Variants in NAV3 observed in about 807,000 individuals in gnomAD.
NAV3 encodes pore membrane and/or filament interacting like protein 1.
Under a neutral mutation model 244.7 loss-of-function variants are expected in NAV3, and 87 were observed. That is an observed-to-expected ratio of 0.36 (90% confidence interval 0.30 to 0.42). The LOEUF (loss-of-function observed/expected upper bound fraction) is 0.42. NAV3 is among the 20% of genes least tolerant of loss of function. The probability of loss-of-function intolerance (pLI) is 1.00; values close to 1 mark genes in which losing one functional copy is unlikely to be tolerated. For synonymous variants in NAV3, 1,126 were observed against 1,042.2 expected, an observed-to-expected ratio of 1.08 and a Z score of -1.55; for missense variants, 2,663 against 2,893.3, an observed-to-expected ratio of 0.92 and a Z score of 1.83.
intron 2 of NAV3, among the ~76,000 whole-genome samples, chr12:77,818,125 A>G (rs1872590562): frequency 6.6e-6 from 1 of 152,166 alleles, no homozygotes; most frequent in African/African-American, 2.4e-5. Flanking sequence ...ATGAATATAA[A>G]CAAAAACAAT....
At chr12:77,730,228 T>G (rs1441244391) in intron 2 of NAV3, among the ~76,000 whole-genome samples, 1 of 151,596 alleles carries the variant, frequency 6.6e-6, no homozygotes, top group African/African-American at 2.4e-5. Flanking sequence ...CAGAAGAAAT[T>G]GAAACATTCA....
intron 2 of NAV3, among the ~76,000 whole-genome samples, chr12:77,674,690 ATAC>A (rs1874131954): frequency 2.6e-5 from 4 of 152,318 alleles, no homozygotes; most frequent in Admixed American, 2.6e-4. Context: ...TGCCCAGTCT[ATAC>A]TCCAATTTTA....
intron 3 of NAV3, among the ~76,000 whole-genome samples, chr12:77,958,689 AT>A (rs1891595678): frequency 6.6e-6 from 1 of 152,164 alleles, no homozygotes; most frequent in Non-Finnish European, 1.5e-5. Context: ...GAAACTTTTC[AT>A]TTTATTTTCA....
chr12:77,762,363 C>G (rs372120814), intron 2 of NAV3, among the ~76,000 whole-genome samples: 7 of 152,066 alleles, frequency 4.6e-5, no homozygotes, highest in African/African-American at 1.7e-4. Flanking sequence ...ACAATTATGA[C>G]ACTTGTCTAC....
At chr12:77,821,020 T>C (rs1434568648) in intron 2 of NAV3, among the ~76,000 whole-genome samples, 1 of 151,810 alleles carries the variant, frequency 6.6e-6, no homozygotes, top group Non-Finnish European at 1.5e-5. Flanking sequence ...CTCTCAATAT[T>C]CCTCTCTCTC....
intron 2 of NAV3, among the ~76,000 whole-genome samples, chr12:77,688,713 G>A (rs972323608): frequency 1.3e-4 from 20 of 152,016 alleles, no homozygotes; most frequent in Admixed American, 1.1e-3. Context: ...TAATAGAATA[G>A]TGTAAATGAG....
chr12:77,617,454 T>A (rs1429106189), intron 2 of NAV3, among the ~76,000 whole-genome samples: 1 of 152,210 alleles, frequency 6.6e-6, no homozygotes, highest in African/African-American at 2.4e-5. Flanking sequence ...ATGAGGTGAC[T>A]TAAACAGCAC....
At chr12:78,092,699 A>G (rs750864744) in intron 12 of NAV3, among the ~76,000 whole-genome samples, 4 of 151,660 alleles carry the variant, frequency 2.6e-5, no homozygotes, top group Non-Finnish European at 4.4e-5. Flanking sequence ...CTGGGGTTTC[A>G]CTGTGTTAGC....
At chr12:78,070,212 T>C (rs995324513) in intron 12 of NAV3, among the ~76,000 whole-genome samples, 1 of 152,094 alleles carries the variant, frequency 6.6e-6, no homozygotes, top group African/African-American at 2.4e-5. Flanking sequence ...GAATATTTGG[T>C]TGGTGCCACA....
intron 2 of NAV3, among the ~76,000 whole-genome samples, chr12:77,811,081 T>G (rs1376902439): frequency 6.6e-6 from 1 of 152,230 alleles, no homozygotes; most frequent in African/African-American, 2.4e-5. Context: ...CACAGAAGGA[T>G]TGTTAAAACT....
chr12:78,137,259 C>T lies in NAV3; in HGVS notation c.4524C>T (p.Ser1508=), dbSNP rs1263701514. ...ACAGCATCCCAGCCCAAGACTCTTCCTTCGATCTCTATGATGACTCCCAGC... is the reference window on the plus strand; with the variant it reads ...ACAGCATCCCAGCCCAAGACTCTTCTTTCGATCTCTATGATGACTCCCAGC... ...RSNSIPAQDS[S]FDLYDDSQLC... The change falls in exon 19 of 40, where the codon TCC becomes TCT. Residue 1508 remains serine, a synonymous_variant. Coordinates refer to ENST00000397909, the MANE Select transcript of NAV3 (RefSeq NM_001024383.2). 1 of 1,613,662 alleles carries T rather than the reference C, an allele frequency of 6.2e-7. No individual in the cohort carries two copies. The highest frequency in any genetic ancestry group is 1.3e-5 in the African/African-American group (1 of 74,882).
intron 38 of NAV3, 38 bp from the exon 39 acceptor site, chr12:78,204,897 C>T (rs1031318603): frequency 6.3e-7 from 1 of 1,587,484 alleles, no homozygotes; most frequent in Non-Finnish European, 8.6e-7. Flanking sequence ...AATAGAAATG[C>T]ATTTTATATA....
chr12:78,107,411 G>A (rs1954857403), intron 12 of NAV3, among the ~76,000 whole-genome samples: 2 of 151,978 alleles, frequency 1.3e-5, no homozygotes, highest in Admixed American at 6.6e-5. Flanking sequence ...TCCCCAGGCC[G>A]ATAAAACGCA....
intron 1 of NAV3, among the ~76,000 whole-genome samples, chr12:77,916,860 G>GT (rs1257812521): frequency 6.6e-6 from 1 of 151,802 alleles, no homozygotes; most frequent in East Asian, 1.9e-4. Flanking sequence ...GACTGATGAA[G>GT]TTTTTAATGT....
At chr12:78,154,922 C>T (rs1308230745) in intron 22 of NAV3, among the ~76,000 whole-genome samples, 2 of 151,836 alleles carry the variant, frequency 1.3e-5, no homozygotes, top group Non-Finnish European at 2.9e-5. Flanking sequence ...TTCCATTTAC[C>T]CTATTGAGTG....
chr12:77,666,127 G>C (rs958127924), intron 2 of NAV3, among the ~76,000 whole-genome samples: 5 of 149,488 alleles, frequency 3.3e-5, no homozygotes, highest in African/African-American at 1.2e-4. Flanking sequence ...CACTCTTTCA[G>C]GTATACTCAT....
intron 2 of NAV3, among the ~76,000 whole-genome samples, chr12:77,710,627 A>C (rs1379229158): frequency 6.6e-6 from 1 of 152,236 alleles, no homozygotes; most frequent in African/African-American, 2.4e-5. Flanking sequence ...TTATTTAATT[A>C]GCATATCAAT....
intron 2 of NAV3, among the ~76,000 whole-genome samples, chr12:77,802,003 G>A (rs1388281983): frequency 2.6e-5 from 4 of 152,036 alleles, no homozygotes; most frequent in African/African-American, 9.7e-5. Context: ...ATGAATGAAC[G>A]AATAAATGAA....
intron 1 of NAV3, among the ~76,000 whole-genome samples, chr12:77,882,554 C>A (rs774908568): frequency 6.6e-6 from 1 of 151,920 alleles, no homozygotes; most frequent in Non-Finnish European, 1.5e-5. Flanking sequence ...CAAAAGCAAT[C>A]GCAATAAAAA....
Sources: allele counts gnomAD v4.1 joint callset (sites outside exome capture counted in the v4.1 genomes callset), GRCh38; gene constraint gnomAD v4.1.1; transcripts MANE v1.5; gene names NCBI Gene and HGNC (gene_info 2026-07-23, HGNC 2026-07-21).